Variants in PRDM5 observed in about 807,000 individuals in gnomAD.
PRDM5 encodes PR domain zinc finger protein 5.
A neutral mutation model predicts 81.2 loss-of-function variants in PRDM5; 56 were observed. The observed-to-expected ratio is 0.69, with a 90% CI of 0.56 to 0.86. The LOEUF is 0.86. Ranked by LOEUF, PRDM5 falls within the 40% of genes least tolerant of loss-of-function variation. The probability of loss-of-function intolerance (pLI) is 0.00; values close to 1 mark genes in which losing one functional copy is unlikely to be tolerated. For synonymous variants in PRDM5, 267 were observed against 256.4 expected (o/e 1.04, Z -0.39); for missense variants, 697 against 770.1 (o/e 0.91, Z 1.12).
intron 2 of PRDM5, among the ~76,000 whole-genome samples, chr4:120,856,069 T>C (rs537654964): frequency 1.8e-4 from 27 of 152,346 alleles, no homozygotes; most frequent in Middle Eastern, 6.8e-3. Flanking sequence ...GTTCTTTGTG[T>C]ATTTCAGCTT....
intron 13 of PRDM5, 93 bp downstream of exon 13, chr4:120,777,095 G>A (rs1313300736): frequency 2.8e-5 from 45 of 1,599,428 alleles, no homozygotes; most frequent in Non-Finnish European, 3.6e-5. Flanking sequence ...TTCTTAATCT[G>A]GAAGATATTT....
chr4:120,804,232 A>C (rs1005764133), intron 8 of PRDM5, among the ~76,000 whole-genome samples: 1 of 152,282 alleles, frequency 6.6e-6, no homozygotes. Flanking sequence ...AGAGATTTAG[A>C]CTCCCACACA....
intron 1 of PRDM5, among the ~76,000 whole-genome samples, chr4:120,911,625 A>G (rs1457019526): frequency 6.6e-6 from 1 of 152,208 alleles, no homozygotes; most frequent in Non-Finnish European, 1.5e-5. Context: ...TTCACTGCAG[A>G]TATCTCTCTC....
At chr4:120,786,767 A>G (rs1281441550) in intron 10 of PRDM5, among the ~76,000 whole-genome samples, 1 of 152,232 alleles carries the variant, frequency 6.6e-6, no homozygotes, top group African/African-American at 2.4e-5. Context: ...TGATGACAAA[A>G]TAAATATCTG....
chr4:120,922,345 AC>A (rs1187124439), intron 1 of PRDM5, among the ~76,000 whole-genome samples, 170 bp downstream of exon 1: 3 of 150,366 alleles, frequency 2.0e-5, no homozygotes, highest in African/African-American at 7.3e-5. Flanking sequence ...AGTAAAGGCC[AC>A]CCCCGCCGTG....
At chr4:120,745,947 G>A (rs1420524616) in intron 14 of PRDM5, among the ~76,000 whole-genome samples, 2 of 150,216 alleles carry the variant, frequency 1.3e-5, no homozygotes, top group South Asian at 2.1e-4. Flanking sequence ...AAGTTCATAT[G>A]GAACCAAAAA....
intron 3 of PRDM5, among the ~76,000 whole-genome samples, chr4:120,847,902 C>T (rs974064643): frequency 1.4e-4 from 21 of 152,226 alleles, no homozygotes; most frequent in African/African-American, 4.8e-4. Context: ...AAGGTAACTT[C>T]CTCTATGGTT....
Position 120,741,725 on chromosome 4 carries a change from TA to T in PRDM5, c.1623+12827del, listed in dbSNP as rs568594617. Among the ~76,000 whole-genome samples, 9 of 152,106 alleles carry T rather than the reference TA, an allele frequency of 5.9e-5. No individual in the cohort carries two copies. The South Asian group carries it at 1.5e-3, about 25-fold the overall frequency. ...GAATACTGCGCTTTTCCGACAGGCT[TA>T]AAAAAACGGCACACCACGAGATTAT... On this transcript the variant is annotated intron_variant, in intron 14 of 15. Transcript: ENST00000264808.
intron 13 of PRDM5, among the ~76,000 whole-genome samples, chr4:120,770,688 T>C (rs1301883823): frequency 1.3e-5 from 2 of 152,150 alleles, no homozygotes; most frequent in Non-Finnish European, 2.9e-5. Context: ...AAAAATTAGA[T>C]AATTTCTCTT....
intron 1 of PRDM5, among the ~76,000 whole-genome samples, chr4:120,686,716 T>C (rs17345304): frequency 0.16 from 24,039 of 152,040 alleles, 2,441 homozygotes; most frequent in Non-Finnish European, 0.24. Flanking sequence ...TCAAAGTTGG[T>C]AATAATTGAC....
intron 11 of PRDM5, among the ~76,000 whole-genome samples, chr4:120,782,297 A>C (rs940238266): frequency 2.0e-5 from 3 of 152,198 alleles, no homozygotes; most frequent in Non-Finnish European, 2.9e-5. Context: ...TATTGATAAC[A>C]AGGCAAAATT....
chr4:120,789,517 A>G (rs955229486), intron 10 of PRDM5, among the ~76,000 whole-genome samples: 2 of 152,222 alleles, frequency 1.3e-5, no homozygotes, highest in African/African-American at 4.8e-5. Context: ...AGAAACAACT[A>G]AAGATAAAAC....
intron 7 of PRDM5, among the ~76,000 whole-genome samples, chr4:120,812,130 T>C (rs1201869809): frequency 6.6e-6 from 1 of 152,170 alleles, no homozygotes; most frequent in Non-Finnish European, 1.5e-5. Context: ...ATGTGAAATT[T>C]GTGCAGCTGT....
intron 2 of PRDM5, among the ~76,000 whole-genome samples, chr4:120,902,170 TACTGGATTCACCA>T (rs1327142286): frequency 2.6e-5 from 4 of 152,190 alleles, no homozygotes; most frequent in Non-Finnish European, 4.4e-5. Context: ...TTCCAGCTGC[TACTGGATTCACCA>T]GTAGCCACTT....
intron 1 of PRDM5, among the ~76,000 whole-genome samples, chr4:120,918,822 T>C (rs1724536203): frequency 6.6e-6 from 1 of 152,082 alleles, no homozygotes. Context: ...GCTTCAGTGT[T>C]CTCACCTGTA....
intron 1 of PRDM5, among the ~76,000 whole-genome samples, chr4:120,917,862 A>C (rs1302939507): frequency 1.3e-5 from 2 of 152,180 alleles, no homozygotes; most frequent in Non-Finnish European, 2.9e-5. Flanking sequence ...TAGAGAAAAA[A>C]CATTTTTAAG....
intron 14 of PRDM5, among the ~76,000 whole-genome samples, chr4:120,721,728 A>C: frequency 6.6e-6 from 1 of 152,258 alleles, no homozygotes; most frequent in East Asian, 1.9e-4. Context: ...TTGTAAGGCA[A>C]TGGCTGTGCT....
intron 14 of PRDM5, among the ~76,000 whole-genome samples, chr4:120,741,294 C>T (rs1316926931): frequency 6.6e-6 from 1 of 152,126 alleles, no homozygotes; most frequent in Non-Finnish European, 1.5e-5. Flanking sequence ...CCTCACTCCT[C>T]CTGCCTTAAC....
intron 10 of PRDM5, among the ~76,000 whole-genome samples, chr4:120,788,337 C>T (rs773571446): frequency 1.3e-5 from 2 of 151,986 alleles, no homozygotes; most frequent in Non-Finnish European, 2.9e-5. Flanking sequence ...TAAAGAATAC[C>T]ATTTAAGCCG....
Sources: gnomAD v4.1 joint callset for allele counts (sites outside exome capture counted in the v4.1 genomes callset) on GRCh38, gnomAD v4.1.1 for gene constraint, MANE v1.5 for transcripts, NCBI Gene and HGNC (gene_info 2026-07-23, HGNC 2026-07-21) for gene names.